Variants in C17orf114 observed in about 807,000 individuals in gnomAD.
C17orf114 encodes the protein uncharacterized protein C17orf114.
exon 2 of C17orf114, chr17:4,801,294 T>C: frequency 2.5e-6 from 1 of 398,650 alleles, no homozygotes; most frequent in South Asian, 1.3e-4. Context: ...CCCCTTCAAA[T>C]GGTGGAGTCA....
chr17:4,804,918 A>C (rs181234280), upstream of C17orf114, among the ~76,000 whole-genome samples: 52 of 152,234 alleles, frequency 3.4e-4, 1 homozygote, highest in East Asian at 9.7e-3. Flanking sequence ...TTGAAGCAAA[A>C]ATGCACATAC....
upstream of C17orf114, among the ~76,000 whole-genome samples, chr17:4,803,321 G>A (rs544368424): frequency 3.4e-4 from 51 of 151,432 alleles, 1 homozygote; most frequent in East Asian, 9.5e-3. Context: ...TTTGCCCAAG[G>A]TCACGCAGGC....
chr17:4,803,527 C>A (rs956547993), upstream of C17orf114, among the ~76,000 whole-genome samples: 1 of 147,592 alleles, frequency 6.8e-6, no homozygotes, highest in Non-Finnish European at 1.5e-5. Flanking sequence ...CGGGTTCACG[C>A]CATTCTCCTG....
chr17:4,802,927 T>C (rs1192389533), upstream of C17orf114, among the ~76,000 whole-genome samples: 1 of 152,046 alleles, frequency 6.6e-6, no homozygotes, highest in Non-Finnish European at 1.5e-5. Flanking sequence ...TCAAAGATCT[T>C]TTTTTTGGGG....
At chr17:4,806,318 A>G (rs1905801003), upstream of C17orf114, among the ~76,000 whole-genome samples, 1 of 152,122 alleles carries the variant, frequency 6.6e-6, no homozygotes, top group Admixed American at 6.6e-5. Context: ...GAACAACTCC[A>G]CTCCCTAGTT....
At chr17:4,801,824 G>A (rs1905514381) in intron 1 of C17orf114, among the ~76,000 whole-genome samples, 2 of 151,376 alleles carry the variant, frequency 1.3e-5, no homozygotes, top group South Asian at 2.1e-4. Flanking sequence ...TCCGCCTCCC[G>A]GGTTCAAGTG....
At chr17:4,802,940 CAG>C (rs1905547764), upstream of C17orf114, among the ~76,000 whole-genome samples, 1 of 151,862 alleles carries the variant, frequency 6.6e-6, no homozygotes, top group Admixed American at 6.6e-5. Flanking sequence ...TTTTGGGGGA[CAG>C]AGTCTCACTC....
chr17:4,801,281 C>G (rs1422101651), exon 2 of C17orf114: 1 of 398,526 alleles, frequency 2.5e-6, no homozygotes, highest in South Asian at 1.3e-4. Flanking sequence ...ACCTCCTCGT[C>G]GTCCCCTTCA....
chr17:4,804,508 G>A (rs1197281282), upstream of C17orf114, among the ~76,000 whole-genome samples: 4 of 149,802 alleles, frequency 2.7e-5, no homozygotes, highest in South Asian at 2.1e-4. Context: ...CCAGCCACAA[G>A]TGCTGTTTCA....
chr17:4,801,354 T>C (rs1212691423), exon 2 of C17orf114: 1 of 398,714 alleles, frequency 2.5e-6, no homozygotes, highest in Non-Finnish European at 4.4e-6. Context: ...AGTCGGGCTT[T>C]CCTGCTGAAG....
exon 2 of C17orf114, chr17:4,801,229 G>T: frequency 2.5e-6 from 1 of 398,630 alleles, no homozygotes; most frequent in Non-Finnish European, 4.4e-6. Flanking sequence ...GGATCGCTGA[G>T]AAATCTGGGG....
At chr17:4,806,412 A>G (rs929753177), upstream of C17orf114, among the ~76,000 whole-genome samples, 3 of 152,234 alleles carry the variant, frequency 2.0e-5, no homozygotes, top group Non-Finnish European at 4.4e-5. Context: ...AGAAACCCAC[A>G]TGTATATCAA....
rs1905502262 is a variant in C17orf114 at position 4,801,295 on chromosome 17, G to A, written c.234C>T (p.Thr78=). The A allele has an allele frequency of 1.0e-5, 4 of 398,606 alleles. No homozygotes were observed. In the South Asian group the frequency reaches 5.1e-4, roughly 51 times the overall value. 24.7% of individuals were successfully genotyped at this position (398,606 alleles called of 1,614,324 possible). A position where few individuals can be genotyped will look rare whatever the true frequency, so the allele number is the denominator to read the frequency against. The change falls in exon 2 of 2, where the codon ACC becomes ACT. Residue 78 remains threonine, a synonymous_variant. Transcript: ENST00000635921. ...CACCTCCTCGTCGTCCCCTTCAAAT[G>A]GTGGAGTCATTGGCCGATGCTATGT... is the stretch of plus-strand genomic sequence containing the variant.
At chr17:4,805,169 G>A (rs1198621626), upstream of C17orf114, among the ~76,000 whole-genome samples, 2 of 151,934 alleles carry the variant, frequency 1.3e-5, no homozygotes, top group Non-Finnish European at 2.9e-5. Context: ...GGTGGCTCAC[G>A]CCTGTAATCC....
upstream of C17orf114, among the ~76,000 whole-genome samples, chr17:4,803,807 C>G (rs117838943): frequency 6.6e-6 from 1 of 151,676 alleles, no homozygotes; most frequent in African/African-American, 2.4e-5. Context: ...CTGCAACCTC[C>G]GTCTCCAGGG....
chr17:4,805,072 C>T (rs1307301742), upstream of C17orf114, among the ~76,000 whole-genome samples: 1 of 152,164 alleles, frequency 6.6e-6, no homozygotes, highest in African/African-American at 2.4e-5. Flanking sequence ...GCAATCTTTT[C>T]CCTACACCCT....
At chr17:4,803,380 A>G (rs1276072545), upstream of C17orf114, among the ~76,000 whole-genome samples, 1 of 144,456 alleles carries the variant, frequency 6.9e-6, no homozygotes, top group Non-Finnish European at 1.5e-5. Context: ...CCTCACCTTG[A>G]GTCAGTCTGA....
chr17:4,806,335 G>A (rs1338139624), upstream of C17orf114, among the ~76,000 whole-genome samples: 1 of 152,084 alleles, frequency 6.6e-6, no homozygotes, highest in African/African-American at 2.4e-5. Flanking sequence ...AGTTACCCAA[G>A]ATAAAGGAAA....
upstream of C17orf114, among the ~76,000 whole-genome samples, chr17:4,805,646 C>G (rs1476449389): frequency 6.6e-6 from 1 of 150,468 alleles, no homozygotes. Context: ...TGCAGTCCAG[C>G]ATGGGCAACA....
Sources: allele counts gnomAD v4.1 joint callset (sites outside exome capture counted in the v4.1 genomes callset), GRCh38; gene constraint gnomAD v4.1.1; transcripts MANE v1.5; gene names NCBI Gene and HGNC (gene_info 2026-07-23, HGNC 2026-07-21).